RICTOR: variants seen among roughly 807,000 people sequenced by gnomAD.
RICTOR encodes rapamycin-insensitive companion of mTOR.
Under a neutral mutation model 214.9 loss-of-function variants are expected in RICTOR, and 49 were observed. The observed-to-expected ratio is 0.23, with a 90% CI of 0.18 to 0.29. The LOEUF is 0.29. Ranked by LOEUF, RICTOR falls within the 10% of genes least tolerant of loss-of-function variation. The pLI is 1.00. For missense variants in RICTOR, 1,625 were observed against 2,047.0 expected (o/e 0.79, Z 3.98); for synonymous variants, 717 against 711.3 (o/e 1.01, Z -0.13).
intron 2 of RICTOR, among the ~76,000 whole-genome samples, chr5:39,037,748 C>T (rs1444535350): frequency 6.6e-6 from 1 of 152,176 alleles, no homozygotes; most frequent in Non-Finnish European, 1.5e-5. Flanking sequence ...GACACATACA[C>T]CCTCCCAAGA....
In RICTOR at chr5:38,968,476, CA is replaced by C. The variant is rs1222858867; in HGVS notation, c.973-447del. 5.0e-3 allele frequency among the ~76,000 whole-genome samples: 720 copies of C among 145,048 alleles called. 8 individuals are homozygous for C. Among genetic ancestry groups the C allele is most frequent in the African/African-American group, 0.016 (614 of 39,400 alleles). On this transcript the variant is annotated intron_variant, in intron 11 of 37. Coordinates refer to ENST00000357387, the MANE Select transcript of RICTOR (RefSeq NM_152756.5). The stretch of plus-strand genomic sequence containing the variant: ...GAGTGTACTTCTATACTTTAAAAAA[CA>C]AAACAAAAAAAAAAAAAGCCCTTTG...
chr5:39,007,662 T>G (rs904076109), intron 3 of RICTOR, among the ~76,000 whole-genome samples: 1 of 151,948 alleles, frequency 6.6e-6, no homozygotes, highest in Non-Finnish European at 1.5e-5. Flanking sequence ...GAAATATAAT[T>G]GACAAATAAA....
chr5:39,061,741 A>G lies in RICTOR; in HGVS notation c.97+12370T>C, dbSNP rs72635281. Among the ~76,000 whole-genome samples the G allele has an allele frequency of 3.4e-3, 521 of 152,144 alleles. 11 individuals are homozygous for G. The East Asian group carries it at 0.05, about 15-fold the overall frequency. ...ACTATTAGAAGAAACAATGCATAGC[A>G]AAAGGCAACTGCCACAGTTTACCTG... On this transcript the variant is annotated intron_variant, in intron 2 of 37. Coordinates refer to ENST00000357387, the MANE Select transcript of RICTOR (RefSeq NM_152756.5).
chr5:38,946,779 A>C (rs1294597045), intron 32 of RICTOR, among the ~76,000 whole-genome samples: 1 of 152,122 alleles, frequency 6.6e-6, no homozygotes, highest in East Asian at 1.9e-4. Context: ...CGTTTATCTA[A>C]AATGTCTTTC....
intron 5 of RICTOR, among the ~76,000 whole-genome samples, chr5:38,999,035 A>AC (rs1561514465): frequency 6.9e-6 from 1 of 145,454 alleles, no homozygotes; most frequent in Non-Finnish European, 1.5e-5. Flanking sequence ...GGCAAAAAAA[A>AC]AAAAAAAAAA....
chr5:39,039,443 A>G (rs1222655630), intron 2 of RICTOR, among the ~76,000 whole-genome samples: 2 of 152,322 alleles, frequency 1.3e-5, no homozygotes, highest in East Asian at 3.9e-4. Context: ...AAGCAATGGC[A>G]ACAAAAGCCA....
In RICTOR at chr5:38,972,518, A is replaced by G. The variant is rs190701908; in HGVS notation, c.890-559T>C. Among the ~76,000 whole-genome samples, 1,047 of 152,298 alleles carry G rather than the reference A, an allele frequency of 6.9e-3. 12 individuals carry two copies. The highest frequency in any genetic ancestry group is 0.011 in the Non-Finnish European group (744 of 68,004). On this transcript the variant is annotated intron_variant, in intron 10 of 37. Coordinates refer to ENST00000357387, the MANE Select transcript of RICTOR (RefSeq NM_152756.5). ...AAACACACACAAAGTGCTCAATATC[A>G]TTAGTCATCAGGGAAATGCAAACTA...
Position 38,949,665 on chromosome 5 carries a change from T to C in RICTOR, c.4136+47A>G, listed in dbSNP as rs534869416. On this transcript the variant is annotated intron_variant, in intron 31 of 37. Transcript: ENST00000357387. The stretch of plus-strand genomic sequence containing the variant: ...GGCTAACATTTTGTATTTAAATTTG[T>C]TAAAATGCAACCATTATTGGTCACT... The C allele has an allele frequency of 6.0e-6, 9 of 1,510,974 alleles. No individual in the cohort carries two copies. The South Asian group carries it at 1.1e-4, about 18-fold the overall frequency. 93.6% of individuals were successfully genotyped at this position (1,510,974 alleles called of 1,614,324 possible). A position where few individuals can be genotyped will look rare whatever the true frequency, so the allele number is the denominator to read the frequency against.
chr5:39,054,640 C>G (rs17364997), intron 2 of RICTOR, among the ~76,000 whole-genome samples: 24,441 of 152,148 alleles, frequency 0.16, 2,491 homozygotes, highest in Admixed American at 0.24. Flanking sequence ...TCTACCTTAA[C>G]CATCCATTCA....
chr5:39,046,028 A>AATAAAT (rs1757467434), intron 2 of RICTOR, among the ~76,000 whole-genome samples: 1 of 140,236 alleles, frequency 7.1e-6, no homozygotes, highest in South Asian at 2.3e-4. Flanking sequence ...TCTGTCTTTA[A>AATAAAT]AAATAAATAA....
intron 3 of RICTOR, among the ~76,000 whole-genome samples, chr5:39,020,135 A>C (rs936757096): frequency 6.6e-6 from 1 of 152,224 alleles, no homozygotes; most frequent in African/African-American, 2.4e-5. Flanking sequence ...CCTCTTATGG[A>C]AGAGCAAAAA....
At chr5:39,042,346 C>A (rs530314182) in intron 2 of RICTOR, among the ~76,000 whole-genome samples, 33 of 152,292 alleles carry the variant, frequency 2.2e-4, no homozygotes, top group African/African-American at 7.0e-4. Flanking sequence ...AGAACCTATA[C>A]TATTTGTGCT....
intron 2 of RICTOR, among the ~76,000 whole-genome samples, chr5:39,031,853 C>T (rs1186844751): frequency 1.3e-5 from 2 of 152,152 alleles, no homozygotes; most frequent in African/African-American, 4.8e-5. Context: ...TAAAAGCATA[C>T]GAAGATTACT....
intron 2 of RICTOR, among the ~76,000 whole-genome samples, chr5:39,050,852 A>C (rs1757786428): frequency 6.6e-6 from 1 of 152,210 alleles, no homozygotes; most frequent in Non-Finnish European, 1.5e-5. Context: ...TAAAGAATAC[A>C]TGAGGGCTCA....
intron 6 of RICTOR, among the ~76,000 whole-genome samples, chr5:38,996,089 T>C (rs1753157515): frequency 6.6e-6 from 1 of 152,186 alleles, no homozygotes; most frequent in African/African-American, 2.4e-5. Context: ...AAAAAAGAAC[T>C]AAAAAATTCA....
intron 2 of RICTOR, among the ~76,000 whole-genome samples, chr5:39,050,085 G>C (rs758305950): frequency 2.0e-5 from 3 of 151,884 alleles, no homozygotes; most frequent in Non-Finnish European, 4.4e-5. Flanking sequence ...TTTTATTCAA[G>C]ATGTTTGAAA....
chr5:39,023,376 G>A (rs1020035377), intron 2 of RICTOR, among the ~76,000 whole-genome samples: 4 of 151,556 alleles, frequency 2.6e-5, no homozygotes, highest in African/African-American at 4.8e-5. Context: ...AGATAACAAC[G>A]GATTTCTTGT....
chr5:38,959,709 G>C, intron 21 of RICTOR, 70 bp downstream of exon 21: 1 of 977,432 alleles, frequency 1.0e-6, no homozygotes, highest in Non-Finnish European at 1.6e-6. Context: ...AGAATAAAAA[G>C]CATACCATAT....
chr5:39,046,825 A>G (rs1161459262), intron 2 of RICTOR, among the ~76,000 whole-genome samples: 3 of 152,200 alleles, frequency 2.0e-5, no homozygotes, highest in Non-Finnish European at 4.4e-5. Context: ...AAATGTTTTA[A>G]ATGTAAACAA....
Sources: allele counts gnomAD v4.1 joint callset (sites outside exome capture counted in the v4.1 genomes callset), GRCh38; gene constraint gnomAD v4.1.1; transcripts MANE v1.5; gene names NCBI Gene and HGNC (gene_info 2026-07-23, HGNC 2026-07-21).